Variants in ARHGAP25 observed in about 807,000 individuals in gnomAD.
ARHGAP25 encodes Rho GTPase activating protein 25, also known as rho GTPase-activating protein 25.
In ARHGAP25, 34 loss-of-function variants were observed where a neutral mutation model predicts 71.0. The observed-to-expected ratio is 0.48, with a 90% confidence interval of 0.36 to 0.64. The LOEUF is 0.64. ARHGAP25 is among the 30% of genes least tolerant of loss of function. ARHGAP25 has a pLI of 0.00. For synonymous variants in ARHGAP25, 282 were observed against 296.5 expected, an observed-to-expected ratio of 0.95 and a Z score of 0.50; for missense variants, 706 against 805.1, an observed-to-expected ratio of 0.88 and a Z score of 1.49.
intron 5 of ARHGAP25, among the ~76,000 whole-genome samples, chr2:68,813,052 A>C (rs1680946049): frequency 6.6e-6 from 1 of 152,172 alleles, no homozygotes; most frequent in African/African-American, 2.4e-5. Flanking sequence ...CCTTGAACTT[A>C]CCTTTGAGGT....
At chr2:68,818,692 G>A (rs2103699018) in intron 8 of ARHGAP25, among the ~76,000 whole-genome samples, 1 of 152,372 alleles carries the variant, frequency 6.6e-6, no homozygotes, top group African/African-American at 2.4e-5. Context: ...GCAGGCTTCT[G>A]AGGCTGTGTC....
chr2:68,771,247 A>G (rs1471660271), intron 1 of ARHGAP25, among the ~76,000 whole-genome samples: 1 of 152,132 alleles, frequency 6.6e-6, no homozygotes, highest in Non-Finnish European at 1.5e-5. Flanking sequence ...GGTGTTCTGT[A>G]AACACTGAGC....
At chr2:68,723,202 C>T (rs1674804958) in intron 2 of ARHGAP25, among the ~76,000 whole-genome samples, 3 of 152,202 alleles carry the variant, frequency 2.0e-5, no homozygotes, top group Non-Finnish European at 4.4e-5. Context: ...CAGCACATGA[C>T]AAAGGGAGTT....
In ARHGAP25 at chr2:68,822,589, A is replaced by G. The variant is rs1214075634; in HGVS notation, c.1450A>G (p.Arg484Gly). 21 of 1,614,170 alleles carry G rather than the reference A, an allele frequency of 1.3e-5. No homozygotes were observed. Among genetic ancestry groups the G allele is most frequent in the Non-Finnish European group, 1.8e-5 (21 of 1,180,022 alleles). ...AGAGGCTAAGGCAGGGGAAGGGCAC[A>G]GGAGAACGATGTCTCAAGACTTGCG... ...SSEAKAGEGH[R>G]RTMSQDLRQL... Residue 484 changes from arginine to glycine, a missense_variant, in exon 10 of 11, where the codon AGG (arginine) becomes GGG (glycine). Coordinates refer to ENST00000409202, the MANE Select transcript of ARHGAP25 (RefSeq NM_001007231.3).
In ARHGAP25 at chr2:68,748,023, G is replaced by A. The variant is rs112398449; in HGVS notation, c.61+12763G>A. Among the ~76,000 whole-genome samples, 775 of 152,272 alleles carry A rather than the reference G, an allele frequency of 5.1e-3. 8 individuals carry two copies. Among genetic ancestry groups the A allele is most frequent in the African/African-American group, 0.018 (740 of 41,544 alleles). ...CATCTTTTAAAAGTGGAAATCAAAT[G>A]TGTCAGTTCCTCATTAAAATTTTCA... On this transcript the variant is annotated intron_variant, in intron 1 of 10. Coordinates refer to ENST00000409202, the MANE Select transcript of ARHGAP25 (RefSeq NM_001007231.3).
At chr2:68,730,042 C>T (rs1674979033), upstream of ARHGAP25, among the ~76,000 whole-genome samples, 1 of 152,166 alleles carries the variant, frequency 6.6e-6, no homozygotes, top group African/African-American at 2.4e-5. Flanking sequence ...CATGAGGCCA[C>T]TGATGATGTT....
At chr2:68,769,500 T>G (rs1274651732) in intron 1 of ARHGAP25, among the ~76,000 whole-genome samples, 1 of 152,140 alleles carries the variant, frequency 6.6e-6, no homozygotes, top group Non-Finnish European at 1.5e-5. Flanking sequence ...TACTTTCTCC[T>G]TCCTTCTCTC....
chr2:68,749,393 C>A (rs1167876180), intron 1 of ARHGAP25, among the ~76,000 whole-genome samples: 1 of 152,222 alleles, frequency 6.6e-6, no homozygotes, highest in African/African-American at 2.4e-5. Context: ...CCTTCCCCAA[C>A]TGACTGCACC....
chr2:68,812,835 A>T (rs2280308), intron 5 of ARHGAP25, among the ~76,000 whole-genome samples: 35,203 of 152,148 alleles, frequency 0.23, 4,400 homozygotes, highest in East Asian at 0.44. Context: ...TGAGTGAATT[A>T]TTGAGTAAAT....
chr2:68,826,088 G>C lies in ARHGAP25; in HGVS notation c.1835G>C (p.Arg612Pro), dbSNP rs374053151. ...TCTGCAGCCCTAGAGATCAGCCTCC[G>C]CAACATGGAGCGCTCCCGGGAGGAT... ...KKSAALEISL[R>P]NMERSREDVE... The change falls in exon 11 of 11, where the codon CGC becomes CCC. Residue 612 changes from arginine to proline, a missense_variant. Coordinates refer to ENST00000409202, the MANE Select transcript of ARHGAP25 (RefSeq NM_001007231.3). 1.2e-6 allele frequency: 2 copies of C among 1,614,084 alleles called. No individual in the cohort carries two copies. The highest frequency in any genetic ancestry group is 2.2e-5 in the South Asian group (2 of 91,074).
At chr2:68,734,213 C>A (rs1432037309), upstream of ARHGAP25, among the ~76,000 whole-genome samples, 1 of 152,156 alleles carries the variant, frequency 6.6e-6, no homozygotes, top group African/African-American at 2.4e-5. Context: ...CTGATGAGGA[C>A]ATTAAGGTCT....
chr2:68,754,630 A>G (rs1362370295), intron 1 of ARHGAP25, among the ~76,000 whole-genome samples: 1 of 152,190 alleles, frequency 6.6e-6, no homozygotes, highest in African/African-American at 2.4e-5. Context: ...TATGATAGGT[A>G]TATATTTAAC....
At chr2:68,722,502 A>C (rs901039991) in intron 2 of ARHGAP25, among the ~76,000 whole-genome samples, 3 of 151,190 alleles carry the variant, frequency 2.0e-5, no homozygotes, top group African/African-American at 7.3e-5. Flanking sequence ...CGCTTGAACC[A>C]GGGAGGCGGA....
At chr2:68,824,471 G>A (rs1378915068) in intron 10 of ARHGAP25, among the ~76,000 whole-genome samples, 3 of 152,200 alleles carry the variant, frequency 2.0e-5, no homozygotes, top group Non-Finnish European at 2.9e-5. Context: ...GGCCGGGCGT[G>A]GTGGCTCACG....
At chr2:68,816,512 T>C in intron 7 of ARHGAP25, 150 bp downstream of exon 7, 1 of 652,538 alleles carries the variant, frequency 1.5e-6, no homozygotes, top group Non-Finnish European at 2.6e-6. Context: ...TGAAGTAGCT[T>C]CCTGTATAAT....
intron 1 of ARHGAP25, chr2:68,774,684 G>C (rs557126378): frequency 1.0e-6 from 1 of 955,440 alleles, no homozygotes; most frequent in African/African-American, 1.8e-5. Context: ...GGGGGCCTGC[G>C]TTCCACAGCG....
chr2:68,777,049 G>A (rs1444199331), intron 2 of ARHGAP25, among the ~76,000 whole-genome samples: 1 of 152,128 alleles, frequency 6.6e-6, no homozygotes, highest in Non-Finnish European at 1.5e-5. Flanking sequence ...CCACAGATGG[G>A]GCTCTTGCCT....
In ARHGAP25 at chr2:68,725,022, C is replaced by A. The variant is rs570640504; in HGVS notation, c.-18+14324C>A. Among the ~76,000 whole-genome samples, 4 of 152,270 alleles carry A rather than the reference C, an allele frequency of 2.6e-5. No individual in the cohort carries two copies. The East Asian group carries it at 7.7e-4, about 29-fold the overall frequency. ...CCCATGACTGAATGGGTGGCAGAGC[C>A]TTTGAGTAGAGAACGATACTCCTTC... On this transcript the variant is annotated intron_variant and NMD_transcript_variant, in intron 2 of 7. Coordinates refer to the ARHGAP25 transcript ENST00000463483.
rs751789669 is a variant in ARHGAP25, at chr2:68,787,964, C to G, written c.466+8C>G. ...CTGGCACACCCTGTGGAGGTAAGGACCCCTGCAGGCTTTCCTGGGCAGGTG... is the reference window on the plus strand; with the variant it reads ...CTGGCACACCCTGTGGAGGTAAGGAGCCCTGCAGGCTTTCCTGGGCAGGTG... On this transcript the variant is annotated splice_region_variant and intron_variant, in intron 4 of 10. Transcript: ENST00000409202. 5.6e-6 allele frequency: 9 copies of G among 1,609,080 alleles called. No homozygotes were observed. The highest frequency in any genetic ancestry group is 7.7e-6 in the Non-Finnish European group (9 of 1,175,430).
Sources: allele counts gnomAD v4.1 joint callset (sites outside exome capture counted in the v4.1 genomes callset), GRCh38; gene constraint gnomAD v4.1.1; transcripts MANE v1.5; gene names NCBI Gene and HGNC (gene_info 2026-07-23, HGNC 2026-07-21).